THSD7B: variants seen among roughly 807,000 people sequenced by gnomAD.
THSD7B encodes thrombospondin type-1 domain-containing protein 7B.
A neutral mutation model predicts 213.6 loss-of-function variants in THSD7B; 138 were observed. That is an observed-to-expected ratio of 0.65 (90% CI 0.56 to 0.74). The LOEUF (loss-of-function observed/expected upper bound fraction) is 0.74. Among genes scored for constraint, THSD7B ranks in the 30% least tolerant of loss-of-function variants. The pLI is 0.00. For missense variants in THSD7B, 1,931 were observed against 1,991.5 expected, an observed-to-expected ratio of 0.97 and a Z score of 0.58; for synonymous variants, 742 against 687.0, an observed-to-expected ratio of 1.08 and a Z score of -1.25.
intron 17 of THSD7B, among the ~76,000 whole-genome samples, chr2:137,575,485 A>T (rs1024174163): frequency 1.3e-5 from 2 of 152,030 alleles, no homozygotes; most frequent in African/African-American, 4.8e-5. Context: ...CATCACAAAG[A>T]TAACTTTGAA....
rs377696710 is a variant in THSD7B, at chr2:136,981,375, G to T, written c.140-75045G>T. On this transcript the variant is annotated intron_variant, in intron 2 of 27. Coordinates refer to ENST00000409968, the MANE Select transcript of THSD7B (RefSeq NM_001316349.2). ...GGTGCTATATACACTATGGGCCCTG[G>T]GATGTGTGCTTATTAGTTGTGAGGG... Among the ~76,000 whole-genome samples, 28 of 152,178 alleles carry T rather than the reference G, an allele frequency of 1.8e-4. 1 individual carries two copies. The East Asian group carries it at 4.5e-3, about 24-fold the overall frequency.
rs1014289780 is a variant in THSD7B, at chr2:137,597,623, G to A, written c.3424-18552G>A. Among the ~76,000 whole-genome samples, 4 of 151,964 alleles carry A rather than the reference G, an allele frequency of 2.6e-5. No individual in the cohort carries two copies. The East Asian group carries it at 7.7e-4, about 29-fold the overall frequency. On this transcript the variant is annotated intron_variant, in intron 17 of 27. Transcript: ENST00000409968. ...TCAAACTACGGAGAACATATAGTCA[G>A]GACAACTGGAGGCATCTCCAAGAAC...
intron 2 of THSD7B, among the ~76,000 whole-genome samples, chr2:136,936,145 G>A (rs1236006011): frequency 6.6e-6 from 1 of 151,756 alleles, no homozygotes; most frequent in Admixed American, 6.6e-5. Flanking sequence ...CACAAAAGTG[G>A]CCATAAAGAA....
At chr2:137,601,131 TAAA>T (rs939761063) in intron 17 of THSD7B, among the ~76,000 whole-genome samples, 2 of 152,262 alleles carry the variant, frequency 1.3e-5, no homozygotes, top group African/African-American at 4.8e-5. Flanking sequence ...GTTTATAAAA[TAAA>T]AAAGTTACAG....
At chr2:137,041,322 A>C (rs1686877975) in intron 2 of THSD7B, among the ~76,000 whole-genome samples, 1 of 152,192 alleles carries the variant, frequency 6.6e-6, no homozygotes. Context: ...GGATGAGCAT[A>C]AGGGGTGCAG....
chr2:136,882,424 G>A, intron 2 of THSD7B, 107 bp downstream of exon 2: 1 of 1,152,680 alleles, frequency 8.7e-7, no homozygotes, highest in Non-Finnish European at 1.1e-6. Context: ...ATCCAGAGAG[G>A]AAAAATAGAC....
chr2:137,613,055 C>A (rs1050605019), intron 17 of THSD7B, among the ~76,000 whole-genome samples: 1 of 152,088 alleles, frequency 6.6e-6, no homozygotes, highest in East Asian at 1.9e-4. Context: ...CTTTTCCTTA[C>A]TTCTCCTTAC....
intron 15 of THSD7B, among the ~76,000 whole-genome samples, chr2:137,475,008 C>T (rs1466306339): frequency 6.6e-6 from 1 of 152,086 alleles, no homozygotes; most frequent in East Asian, 1.9e-4. Context: ...TATTCTTGTA[C>T]TTAAACTTCA....
chr2:137,033,792 C>CT (rs914823478), intron 2 of THSD7B, among the ~76,000 whole-genome samples: 12 of 151,368 alleles, frequency 7.9e-5, no homozygotes, highest in East Asian at 5.8e-4. Context: ...TTTTTTAACA[C>CT]TTTTTTTTGT....
intron 2 of THSD7B, among the ~76,000 whole-genome samples, chr2:136,998,261 C>CAAAAAAAAAAAAAAAAA (rs33931359): frequency 7.0e-4 from 69 of 98,268 alleles, no homozygotes; most frequent in Non-Finnish European, 9.2e-4. Flanking sequence ...ACTAAAAGGC[C>CAAAAAAAAAAAAAAAAA]AAAAAAAAAA....
At chr2:137,227,660 C>G (rs1202663966) in intron 7 of THSD7B, among the ~76,000 whole-genome samples, 42 of 152,080 alleles carry the variant, frequency 2.8e-4, no homozygotes, top group Admixed American at 2.8e-3. Flanking sequence ...TATTTAGGCT[C>G]AAGTGCTTTA....
At chr2:137,326,124 T>G (rs990795849) in intron 12 of THSD7B, among the ~76,000 whole-genome samples, 1 of 152,292 alleles carries the variant, frequency 6.6e-6, no homozygotes, top group South Asian at 2.1e-4. Flanking sequence ...AGTGGATATT[T>G]TAAGGGGAAT....
At chr2:137,049,608 T>C (rs1443665043) in intron 2 of THSD7B, among the ~76,000 whole-genome samples, 1 of 151,860 alleles carries the variant, frequency 6.6e-6, no homozygotes, top group Non-Finnish European at 1.5e-5. Flanking sequence ...GATTGCTGTC[T>C]GAGGGTTCAT....
At chr2:137,634,238 T>C (rs1194364143) in intron 20 of THSD7B, among the ~76,000 whole-genome samples, 1 of 152,152 alleles carries the variant, frequency 6.6e-6, no homozygotes, top group Non-Finnish European at 1.5e-5. Context: ...TTCTGGGTGA[T>C]CATTTTCTGC....
intron 5 of THSD7B, among the ~76,000 whole-genome samples, chr2:137,129,981 AG>A (rs2104952068): frequency 6.6e-6 from 1 of 152,300 alleles, no homozygotes; most frequent in South Asian, 2.1e-4. Flanking sequence ...TTGGTGTTGG[AG>A]GACAGTTATA....
At chr2:137,047,603 A>C (rs559993595) in intron 2 of THSD7B, among the ~76,000 whole-genome samples, 1 of 152,316 alleles carries the variant, frequency 6.6e-6, no homozygotes, top group African/African-American at 2.4e-5. Context: ...TACAAGGTCC[A>C]CGTGTCTTGT....
chr2:136,887,884 G>T (rs1683747025), intron 2 of THSD7B, among the ~76,000 whole-genome samples: 1 of 152,020 alleles, frequency 6.6e-6, no homozygotes, highest in Non-Finnish European at 1.5e-5. Context: ...ACCTCTCTGA[G>T]CCATATTTAT....
chr2:136,819,014 A>C (rs929453455), intron 1 of THSD7B, among the ~76,000 whole-genome samples: 1 of 152,204 alleles, frequency 6.6e-6, no homozygotes, highest in Non-Finnish European at 1.5e-5. Flanking sequence ...ACTCTTTCAA[A>C]GCATTCTCCA....
chr2:137,220,821 A>G (rs1365240255), intron 7 of THSD7B, among the ~76,000 whole-genome samples: 1 of 152,186 alleles, frequency 6.6e-6, no homozygotes, highest in Non-Finnish European at 1.5e-5. Flanking sequence ...CTACATCCAT[A>G]CAATGCAATG....
Sources: gnomAD v4.1 joint callset for allele counts (sites outside exome capture counted in the v4.1 genomes callset) on GRCh38, gnomAD v4.1.1 for gene constraint, MANE v1.5 for transcripts, NCBI Gene and HGNC (gene_info 2026-07-23, HGNC 2026-07-21) for gene names.